Variants in DNM3 observed in about 807,000 individuals in gnomAD.
DNM3 encodes the protein dynamin-3.
DNM3 carries 47 observed loss-of-function variants against 101.6 expected under a neutral mutation model. The ratio of observed to expected loss-of-function variants is 0.46; its 90% CI spans 0.37 to 0.59. The LOEUF (loss-of-function observed/expected upper bound fraction) is 0.59, where lower values mean the gene tolerates loss of function less well. Among genes scored for constraint, DNM3 ranks in the 20% least tolerant of loss-of-function variants. The pLI, the probability that DNM3 is intolerant of heterozygous loss-of-function variation, is 0.00. For missense variants in DNM3, 849 were observed against 1,085.7 expected (o/e 0.78, Z 3.06); for synonymous variants, 385 against 387.9 (o/e 0.99, Z 0.09).
chr1:172,115,792 A>G (rs2055846964), intron 13 of DNM3, among the ~76,000 whole-genome samples: 2 of 152,214 alleles, frequency 1.3e-5, no homozygotes, highest in Admixed American at 1.3e-4. Context: ...AGTGAAAAAC[A>G]TCATTTTCTC....
intron 16 of DNM3, among the ~76,000 whole-genome samples, chr1:172,320,268 A>G (rs2065638098): frequency 6.6e-6 from 1 of 151,814 alleles, no homozygotes; most frequent in African/African-American, 2.4e-5. Flanking sequence ...GCATTAGGAG[A>G]TATAGCTAAT....
chr1:171,977,928 T>A (rs573243491), intron 2 of DNM3, among the ~76,000 whole-genome samples: 1 of 152,338 alleles, frequency 6.6e-6, no homozygotes, highest in South Asian at 2.1e-4. Context: ...TTTAACTGAC[T>A]GTTTGAAACT....
intron 15 of DNM3, among the ~76,000 whole-genome samples, chr1:172,276,910 T>G (rs1159246630): frequency 6.6e-6 from 1 of 152,068 alleles, no homozygotes; most frequent in Non-Finnish European, 1.5e-5. Flanking sequence ...TAAGTACATA[T>G]TTAAGCTTTC....
At chr1:171,868,273 G>C (rs2034951234) in intron 1 of DNM3, among the ~76,000 whole-genome samples, 1 of 151,938 alleles carries the variant, frequency 6.6e-6, no homozygotes, top group Non-Finnish European at 1.5e-5. Context: ...GGAATTCCTT[G>C]GTCAAGCCCT....
intron 1 of DNM3, among the ~76,000 whole-genome samples, chr1:171,893,774 C>T (rs530779407): frequency 8.6e-5 from 13 of 150,618 alleles, no homozygotes; most frequent in South Asian, 6.3e-4. Flanking sequence ...TTTTTTGGAC[C>T]GGCAATTTTG....
intron 14 of DNM3, among the ~76,000 whole-genome samples, chr1:172,195,717 C>A (rs6690462): frequency 0.087 from 13,236 of 151,768 alleles, 696 homozygotes; most frequent in Middle Eastern, 0.15. Flanking sequence ...GTGAAGGATT[C>A]AATTAATTGA....
chr1:172,192,570 C>G (rs1447662326), intron 14 of DNM3, among the ~76,000 whole-genome samples: 2 of 136,954 alleles, frequency 1.5e-5, no homozygotes, highest in East Asian at 4.4e-4. Context: ...TGTTCCCCTT[C>G]CTGTGTCCAT....
At chr1:171,946,593 T>G (rs1371107189) in intron 2 of DNM3, among the ~76,000 whole-genome samples, 1 of 152,170 alleles carries the variant, frequency 6.6e-6, no homozygotes, top group Non-Finnish European at 1.5e-5. Context: ...GTGATAGGCA[T>G]GTGCTTGAAT....
intron 18 of DNM3, among the ~76,000 whole-genome samples, chr1:172,383,499 T>G (rs987553416): frequency 1.3e-5 from 2 of 152,164 alleles, no homozygotes; most frequent in African/African-American, 4.8e-5. Flanking sequence ...TCAATTGAAT[T>G]TTAATACATG....
intron 15 of DNM3, among the ~76,000 whole-genome samples, chr1:172,276,557 A>ATGTGTGTG (rs60837783): frequency 0.025 from 3,655 of 144,254 alleles, 71 homozygotes; most frequent in African/African-American, 0.048. Flanking sequence ...AAAAATCTTA[A>ATGTGTGTG]TGTGTGTGTG....
chr1:171,842,296 C>T (rs1427486250), intron 1 of DNM3, among the ~76,000 whole-genome samples: 1 of 152,168 alleles, frequency 6.6e-6, no homozygotes, highest in African/African-American at 2.4e-5. Flanking sequence ...CCCCGAGCCC[C>T]CTCCCTTAGG....
intron 2 of DNM3, among the ~76,000 whole-genome samples, chr1:171,969,573 G>A (rs917699181): frequency 5.9e-5 from 9 of 152,216 alleles, no homozygotes; most frequent in South Asian, 2.1e-4. Flanking sequence ...TCCTAGAAAC[G>A]GGGGGTCTTA....
At chr1:171,932,839 C>T (rs1389945009) in intron 2 of DNM3, among the ~76,000 whole-genome samples, 1 of 152,150 alleles carries the variant, frequency 6.6e-6, no homozygotes, top group Non-Finnish European at 1.5e-5. Context: ...GAGACATTGA[C>T]TAGAATATTA....
At chr1:171,962,098 A>G (rs1213450568) in intron 2 of DNM3, among the ~76,000 whole-genome samples, 3 of 152,138 alleles carry the variant, frequency 2.0e-5, no homozygotes, top group Non-Finnish European at 4.4e-5. Flanking sequence ...TTCTCTTCTT[A>G]TGAAACCATT....
chr1:172,265,495 GC>G (rs1224545285), intron 15 of DNM3, among the ~76,000 whole-genome samples: 8 of 152,116 alleles, frequency 5.3e-5, no homozygotes, highest in African/African-American at 1.9e-4. Context: ...TTTAAAGATG[GC>G]ATCATAGATA....
intron 14 of DNM3, among the ~76,000 whole-genome samples, chr1:172,183,228 A>G (rs1472158006): frequency 1.3e-5 from 2 of 152,072 alleles, no homozygotes; most frequent in Admixed American, 1.3e-4. Context: ...TCCACATACT[A>G]CCCAATAGAG....
intron 4 of DNM3, among the ~76,000 whole-genome samples, chr1:172,020,517 G>A (rs911841108): frequency 6.6e-6 from 1 of 151,774 alleles, no homozygotes; most frequent in Non-Finnish European, 1.5e-5. Flanking sequence ...TCAGGAGATG[G>A]AGACTATACT....
At chr1:172,254,122 T>A (rs1302309979) in intron 15 of DNM3, among the ~76,000 whole-genome samples, 1 of 152,112 alleles carries the variant, frequency 6.6e-6, no homozygotes, top group African/African-American at 2.4e-5. Flanking sequence ...GTTTTAAAAA[T>A]TGTTTTGTAT....
At chr1:172,312,263 A>G (rs1308296379) in intron 16 of DNM3, among the ~76,000 whole-genome samples, 11 of 152,214 alleles carry the variant, frequency 7.2e-5, no homozygotes. Context: ...AAATCAGTCA[A>G]TTGCTACCCT....
Sources: allele counts gnomAD v4.1 joint callset (sites outside exome capture counted in the v4.1 genomes callset), GRCh38; gene constraint gnomAD v4.1.1; transcripts MANE v1.5; gene names NCBI Gene and HGNC (gene_info 2026-07-23, HGNC 2026-07-21).